The following BLTP1 variants were observed in gnomAD, a reference collection of about 807,000 sequenced individuals.
The protein encoded by BLTP1 is fragile site-associated protein.
chr4:122,155,480 C>T, the BLTP1 span, among the ~76,000 whole-genome samples: 42 of 152,112 alleles, frequency 2.8e-4, no homozygotes, highest in African/African-American at 8.7e-4. Context: ...TGTGCCACCA[C>T]GCCTGGCCAA....
At chr4:122,291,206 C>G in the BLTP1 span, among the ~76,000 whole-genome samples, 1 of 152,142 alleles carries the variant, frequency 6.6e-6, no homozygotes, top group Non-Finnish European at 1.5e-5. Flanking sequence ...TAGATCTGCT[C>G]CTTGAACCAT....
the BLTP1 span, among the ~76,000 whole-genome samples, chr4:122,186,472 A>G: frequency 6.6e-6 from 1 of 152,170 alleles, no homozygotes; most frequent in South Asian, 2.1e-4. Context: ...AACTAATGTT[A>G]TCAATTTAGT....
chr4:122,237,216 TAGG>T, the BLTP1 span: 1 of 985,428 alleles, frequency 1.0e-6, no homozygotes, highest in African/African-American at 1.7e-5. Context: ...ACAGGGATGG[TAGG>T]AGGAGGGGGA....
At chr4:122,271,676 G>T in the BLTP1 span, 3 of 1,595,972 alleles carry the variant, frequency 1.9e-6, no homozygotes, top group South Asian at 2.3e-5. Context: ...ACTTATCTCC[G>T]ATCCAACAGG....
At chr4:122,340,166 T>TA in the BLTP1 span, among the ~76,000 whole-genome samples, 17 of 152,260 alleles carry the variant, frequency 1.1e-4, no homozygotes, top group South Asian at 8.3e-4. Flanking sequence ...TTGATAGTCG[T>TA]AACTGAGGGT....
At chr4:122,254,724 C>T in the BLTP1 span, 1 of 1,320,546 alleles carries the variant, frequency 7.6e-7, no homozygotes, top group Non-Finnish European at 9.8e-7. Flanking sequence ...AAAACAACCA[C>T]TAAGTACAGT....
chr4:122,318,319 T>C, the BLTP1 span: 1 of 1,460,700 alleles, frequency 6.8e-7, no homozygotes, highest in South Asian at 1.2e-5. Context: ...CACCTGACTT[T>C]TTCCTATCAT....
chr4:122,269,419 T>C, the BLTP1 span: 4 of 985,174 alleles, frequency 4.1e-6, no homozygotes, highest in Admixed American at 1.8e-4. Flanking sequence ...TTCTGTGAAC[T>C]TCATTGCGTT....
chr4:122,168,232 C>T, the BLTP1 span, among the ~76,000 whole-genome samples: 1 of 152,146 alleles, frequency 6.6e-6, no homozygotes, highest in East Asian at 1.9e-4. Flanking sequence ...GTCTTTACAG[C>T]CTAAACAACC....
the BLTP1 span, chr4:122,264,446 T>C: frequency 1.3e-6 from 2 of 1,578,080 alleles, no homozygotes; most frequent in Non-Finnish European, 8.6e-7. Context: ...GCCTGCTTTT[T>C]CCTAATTATA....
At chr4:122,261,193 A>C in the BLTP1 span, 1 of 569,372 alleles carries the variant, frequency 1.8e-6, no homozygotes, top group East Asian at 1.4e-4. Flanking sequence ...TTTAAAAAGA[A>C]GACTGAACTA....
the BLTP1 span, chr4:122,347,824 G>C: frequency 7.1e-7 from 1 of 1,404,172 alleles, no homozygotes; most frequent in Admixed American, 1.9e-5. Flanking sequence ...AGTGTTCTCA[G>C]GATAAAATCT....
chr4:122,358,393 T>C, the BLTP1 span, among the ~76,000 whole-genome samples: 2 of 152,112 alleles, frequency 1.3e-5, no homozygotes, highest in African/African-American at 4.8e-5. Context: ...AACATTTCAA[T>C]GGGAAAAGGG....
At chr4:122,296,035 C>T in the BLTP1 span, among the ~76,000 whole-genome samples, 2 of 152,152 alleles carry the variant, frequency 1.3e-5, no homozygotes, top group Non-Finnish European at 2.9e-5. Context: ...GACAAGAATG[C>T]CCTCTCTTTC....
the BLTP1 span, chr4:122,174,656 A>G: frequency 6.4e-7 from 1 of 1,572,182 alleles, no homozygotes; most frequent in Non-Finnish European, 8.7e-7. Context: ...CTATTAGGTA[A>G]CAAAATTAAA....
At chr4:122,317,451 A>T in the BLTP1 span, among the ~76,000 whole-genome samples, 1 of 152,074 alleles carries the variant, frequency 6.6e-6, no homozygotes, top group Admixed American at 6.6e-5. Flanking sequence ...ATTTACTCTT[A>T]TATGTATCTT....
the BLTP1 span, chr4:122,305,784 T>G: frequency 1.5e-6 from 2 of 1,362,850 alleles, no homozygotes; most frequent in South Asian, 1.6e-5. Flanking sequence ...TGTATTATAG[T>G]TTTTTTGGTG....
the BLTP1 span, chr4:122,293,144 A>G: frequency 5.1e-6 from 5 of 978,240 alleles, no homozygotes; most frequent in Non-Finnish European, 6.1e-6. Flanking sequence ...AAACTTATAT[A>G]TTTATGCCAT....
chr4:122,242,777 T>C, the BLTP1 span, among the ~76,000 whole-genome samples: 1 of 152,210 alleles, frequency 6.6e-6, no homozygotes, highest in African/African-American at 2.4e-5. Context: ...GTTTCAGTTA[T>C]AGCCTTTTAC....
Sources: allele counts gnomAD v4.1 joint callset (sites outside exome capture counted in the v4.1 genomes callset), GRCh38; gene constraint gnomAD v4.1.1; transcripts MANE v1.5; gene names NCBI Gene and HGNC (gene_info 2026-07-23, HGNC 2026-07-21).